Variants in HADH observed in about 807,000 individuals in gnomAD.
HADH encodes hydroxyacyl-CoA dehydrogenase.
A neutral mutation model predicts 32.2 loss-of-function variants in HADH; 24 were observed. The ratio of observed to expected loss-of-function variants is 0.75; its 90% confidence interval spans 0.54 to 1.05. The LOEUF (loss-of-function observed/expected upper bound fraction) is 1.05, where lower values mean the gene tolerates loss of function less well. Among genes scored for constraint, HADH ranks in the 50% least tolerant of loss-of-function variants. HADH has a pLI of 0.00. For missense variants in HADH, 350 were observed against 397.1 expected (o/e 0.88, Z 1.01); for synonymous variants, 139 against 152.5 (o/e 0.91, Z 0.65).
intron 6 of HADH, 92 bp from the exon 7 acceptor site, chr4:108,033,084 A>T: frequency 2.5e-6 from 2 of 790,544 alleles, no homozygotes; most frequent in South Asian, 1.3e-5. Flanking sequence ...TTGTGCAAGC[A>T]TATAAAATTC....
chr4:107,991,792 C>G (rs1489617264), intron 1 of HADH, among the ~76,000 whole-genome samples: 1 of 152,104 alleles, frequency 6.6e-6, no homozygotes, highest in Non-Finnish European at 1.5e-5. Context: ...AGGAATAGAA[C>G]AATGTGTTTT....
chr4:108,020,341 A>T (rs1735842174), intron 4 of HADH, among the ~76,000 whole-genome samples: 1 of 152,158 alleles, frequency 6.6e-6, no homozygotes. Flanking sequence ...GTTTTGGTGC[A>T]CGCATGTAGT....
Position 107,989,956 on chromosome 4 carries a change from C to G in HADH, c.24C>G (p.Phe8Leu), listed in dbSNP as rs1275038972. The G allele has an allele frequency of 6.2e-7, 1 of 1,613,034 alleles. No individual in the cohort carries two copies. The highest frequency in any genetic ancestry group is 1.7e-5 in the Admixed American group (1 of 59,986). The change falls in exon 1 of 8, where the codon TTC (phenylalanine) becomes TTG (leucine). Residue 8 changes from phenylalanine to leucine, a missense_variant. Phe to Leu is a conservative substitution (Grantham distance 22, BLOSUM62 0). Transcript: ENST00000309522. MAFVTRQ[F>L]MRSVSSSSTA... The stretch of plus-strand genomic sequence containing the variant: ...CCATGGCCTTCGTCACCAGGCAGTT[C>G]ATGCGTTCCGTGTCCTCCTCGTCCA...
At position 108,009,769 on chromosome 4, in the gene HADH, C is replaced by T. The variant is rs1735419013; in HGVS notation, c.143C>T (p.Ala48Val). Reference protein sequence around the residue: ...MGAGIAQVAAATGHTVVLVDQ... With the variant: ...MGAGIAQVAAVTGHTVVLVDQ... The stretch of plus-strand genomic sequence containing the variant: ...CTTTTGTTGCTCTAGGTTGCTGCAG[C>T]AACTGGTCACACAGTAGTGTTGGTA... The change falls in exon 2 of 8, where the codon GCA (alanine) becomes GTA (valine). Residue 48 changes from alanine (A) to valine (V), a missense_variant. Physicochemically the swap from Ala to Val is moderately conservative, Grantham distance 64. Transcript: ENST00000309522. 3 of 1,613,410 alleles carry T rather than the reference C, an allele frequency of 1.9e-6. 1 individual carries two copies. Among genetic ancestry groups the T allele is most frequent in the South Asian group, 2.2e-5 (2 of 91,074 alleles).
In HADH at chr4:108,023,578, A is replaced by C. The variant is rs1268930189; in HGVS notation, c.636+15A>C. On this transcript the variant is annotated intron_variant, in intron 5 of 7. Coordinates refer to ENST00000309522, the MANE Select transcript of HADH (RefSeq NM_005327.7). The stretch of plus-strand genomic sequence containing the variant: ...TTTCTTGCAAGGTAAGAGTATGGGT[A>C]GCTTGGGAAGGAGGTAGTTCTTTTC... 1 of 1,408,898 alleles carries C rather than the reference A, an allele frequency of 7.1e-7. No individual in the cohort carries two copies. The highest frequency in any genetic ancestry group is 1.0e-6 in the Non-Finnish European group (1 of 992,188). The allele number at this position is 1,408,898 out of a possible 1,614,324, so 87.3% of individuals were successfully genotyped here.
intron 6 of HADH, chr4:108,027,996 C>G (rs932709698): frequency 3.4e-6 from 2 of 596,332 alleles, no homozygotes; most frequent in Non-Finnish European, 6.0e-6. Context: ...CCACCACCCC[C>G]ACTACAGTCC....
chr4:108,004,920 A>C (rs902799922), intron 1 of HADH: 20 of 1,533,068 alleles, frequency 1.3e-5, no homozygotes, highest in Middle Eastern at 3.3e-4. Flanking sequence ...TTAAAGAGGT[A>C]AGATGACCCT....
chr4:108,022,165 A>ATGTGTGTGTGTG (rs771719177), intron 4 of HADH, among the ~76,000 whole-genome samples: 6 of 121,294 alleles, frequency 4.9e-5, no homozygotes, highest in African/African-American at 1.5e-4. Flanking sequence ...TTACATATAT[A>ATGTGTGTGTGTG]TATGTGTGTG....
chr4:108,004,704 C>G, intron 1 of HADH: 1 of 1,529,086 alleles, frequency 6.5e-7, no homozygotes, highest in Non-Finnish European at 8.8e-7. Flanking sequence ...ATAATTCTTT[C>G]AAGAAAGGAA....
chr4:108,016,677 C>T (rs28450916), intron 3 of HADH, among the ~76,000 whole-genome samples: 17,268 of 152,280 alleles, frequency 0.11, 1,416 homozygotes, highest in African/African-American at 0.24. Flanking sequence ...AGAAGGATCA[C>T]TGGAGAAAGT....
At chr4:108,030,452 A>C (rs558306905) in intron 6 of HADH, 1 of 152,324 alleles carries the variant, frequency 6.6e-6, no homozygotes, top group Non-Finnish European at 1.5e-5. Flanking sequence ...GGGCGGGCAC[A>C]TAGGCAGCTG....
rs1356446408 is a variant in HADH at position 108,003,826 on chromosome 4, A to AC, written c.133-5932dup. 3.2e-3 allele frequency among the ~76,000 whole-genome samples: 475 copies of AC among 150,088 alleles called. 5 individuals carry two copies. Among genetic ancestry groups the AC allele is most frequent in the African/African-American group, 0.011 (437 of 40,814 alleles). On this transcript the variant is annotated intron_variant, in intron 1 of 7. Transcript: ENST00000309522. ...AGCCCAGAATTAAAAAAAAAAAAAA[A>AC]CAAAAAAAAAACCCGCAAGCTATTG...
chr4:108,026,970 A>G (rs1037576273), intron 5 of HADH: 2 of 153,232 alleles, frequency 1.3e-5, no homozygotes, highest in African/African-American at 4.8e-5. Flanking sequence ...GATGAAAGGC[A>G]TATGTGGCAC....
chr4:108,017,743 C>T (rs528298208), intron 3 of HADH, among the ~76,000 whole-genome samples: 3 of 152,086 alleles, frequency 2.0e-5, no homozygotes, highest in East Asian at 1.9e-4. Flanking sequence ...TTAGTAGAGA[C>T]GGGGCATGTT....
rs1735614836 is a variant in HADH at position 108,014,303 on chromosome 4, GA to G, written c.262-126del. The G allele has an allele frequency of 3.3e-5, 32 of 962,570 alleles. No individual in the cohort carries two copies. The South Asian group carries it at 4.2e-4, about 13-fold the overall frequency. 59.6% of individuals were successfully genotyped at this position (962,570 alleles called of 1,614,324 possible). A position where few individuals can be genotyped will look rare whatever the true frequency, so the allele number is the denominator to read the frequency against. On this transcript the variant is annotated intron_variant, in intron 2 of 7. Coordinates refer to ENST00000309522, the MANE Select transcript of HADH (RefSeq NM_005327.7). Reference sequence around the variant, plus strand: ...ATTACAGGCTTCGTGGACACTTTGAGAACAGATAGGGTAGGCCAATACAGGT... The same window carrying G: ...ATTACAGGCTTCGTGGACACTTTGAGACAGATAGGGTAGGCCAATACAGGT...
At position 108,014,545 on chromosome 4, in the gene HADH, G is replaced by A; in HGVS notation, c.376G>A (p.Val126Met). The change falls in exon 3 of 8, where the codon GTG (valine) becomes ATG (methionine). Residue 126 changes from valine to methionine, a missense_variant. By Grantham distance (21) the Val-to-Met change is conservative. Coordinates refer to ENST00000309522, the MANE Select transcript of HADH (RefSeq NM_005327.7). ...GGAAGCCATCGTGGAGAATCTGAAG[G>A]TGAAAAACGAGCTCTTCAAAAGGCT... ...VVEAIVENLK[V>M]KNELFKRLDK... The A allele has an allele frequency of 1.2e-6, 2 of 1,614,086 alleles. No homozygotes were observed. Among genetic ancestry groups the A allele is most frequent in the Non-Finnish European group, 1.7e-6 (2 of 1,179,962 alleles).
At chr4:108,028,603 T>C in intron 6 of HADH, 1 of 362,446 alleles carries the variant, frequency 2.8e-6, no homozygotes, top group East Asian at 4.0e-5. Context: ...TATTAAAACT[T>C]TTCTCTATGG....
At chr4:107,999,941 T>A (rs1442602473) in intron 1 of HADH, among the ~76,000 whole-genome samples, 1 of 152,192 alleles carries the variant, frequency 6.6e-6, no homozygotes, top group Non-Finnish European at 1.5e-5. Context: ...TATCTTATGC[T>A]AAGGAAAAAG....
At chr4:107,994,234 C>CT (rs956194959) in intron 1 of HADH, among the ~76,000 whole-genome samples, 157 of 145,000 alleles carry the variant, frequency 1.1e-3, no homozygotes, top group Middle Eastern at 3.6e-3. Flanking sequence ...CCAAAGCTTG[C>CT]TTTTTTTTTT....
Sources: gnomAD v4.1 joint callset for allele counts (sites outside exome capture counted in the v4.1 genomes callset) on GRCh38, gnomAD v4.1.1 for gene constraint, MANE v1.5 for transcripts, NCBI Gene and HGNC (gene_info 2026-07-23, HGNC 2026-07-21) for gene names.